The following MYCBP2 variants were observed in gnomAD, a reference collection of about 807,000 sequenced individuals.
MYCBP2 encodes E3 ubiquitin-protein ligase MYCBP2.
In MYCBP2, 120 loss-of-function variants were observed where a neutral mutation model predicts 525.3. The ratio of observed to expected loss-of-function variants is 0.23; its 90% CI spans 0.20 to 0.27. The LOEUF (loss-of-function observed/expected upper bound fraction) is 0.27. MYCBP2 is among the 10% of genes least tolerant of loss of function. The probability of loss-of-function intolerance (pLI) is 1.00; values close to 1 mark genes in which losing one functional copy is unlikely to be tolerated. For missense variants in MYCBP2, 4,149 were observed against 5,657.1 expected (o/e 0.73, Z 8.55); for synonymous variants, 1,894 against 1,955.8 (o/e 0.97, Z 0.83).
At chr13:77,171,734 A>G in intron 37 of MYCBP2, 100 bp from the exon 38 acceptor site, 1 of 1,192,064 alleles carries the variant, frequency 8.4e-7, no homozygotes, top group South Asian at 1.6e-5. Context: ...TTTAATTTAT[A>G]GCTTTTTAAA....
chr13:77,234,322 C>T (rs957822470), intron 17 of MYCBP2, among the ~76,000 whole-genome samples: 1 of 151,848 alleles, frequency 6.6e-6, no homozygotes, highest in African/African-American at 2.4e-5. Flanking sequence ...AAGCACTGAA[C>T]ATTTTTATTT....
chr13:77,151,034 AT>A (rs2056382487), intron 46 of MYCBP2, 85 bp from the exon 47 acceptor site: 1 of 1,043,216 alleles, frequency 9.6e-7, no homozygotes, highest in Non-Finnish European at 1.4e-6. Context: ...TTATAAACTC[AT>A]AATTATGTAT....
At chr13:77,069,673 G>C (rs1456751162) in intron 69 of MYCBP2, among the ~76,000 whole-genome samples, 3 of 146,942 alleles carry the variant, frequency 2.0e-5, no homozygotes, top group Non-Finnish European at 3.0e-5. Flanking sequence ...TGGCTAACAC[G>C]GTGAAACCCC....
Position 77,273,514 on chromosome 13 carries a change from A to G in MYCBP2, c.903T>C (p.Ala301=). The change falls in exon 5 of 83, where the codon GCT becomes GCC. Residue 301 remains alanine, a synonymous_variant. Coordinates refer to ENST00000544440, the MANE Select transcript of MYCBP2 (RefSeq NM_015057.5). ...CATGGCTTCCATTGTTGGTGAGGAT[A>G]GCAGAGATGGCCTGAAGTGTCCTTC... ...ETGRTLQAIS[A]ILTNNGSHAC... The G allele has an allele frequency of 6.2e-7, 1 of 1,610,274 alleles. No homozygotes were observed. The highest frequency in any genetic ancestry group is 1.7e-5 in the Admixed American group (1 of 58,890).
chr13:77,305,936 A>G (rs1356356486), intron 1 of MYCBP2, among the ~76,000 whole-genome samples: 4 of 152,204 alleles, frequency 2.6e-5, no homozygotes, highest in African/African-American at 9.6e-5. Context: ...GTATTCAACT[A>G]TACTGAATGT....
intron 17 of MYCBP2, among the ~76,000 whole-genome samples, chr13:77,233,874 G>GAA (rs1331031027): frequency 1.4e-5 from 2 of 145,764 alleles, no homozygotes; most frequent in East Asian, 2.2e-4. Flanking sequence ...GAGAGAGAGA[G>GAA]AACGAGAGAG....
intron 13 of MYCBP2, among the ~76,000 whole-genome samples, chr13:77,258,960 C>T (rs1038949796): frequency 4.6e-5 from 7 of 152,008 alleles, no homozygotes; most frequent in Non-Finnish European, 5.9e-5. Flanking sequence ...CAATTAAAAG[C>T]GTTGGTGCCA....
intron 1 of MYCBP2, among the ~76,000 whole-genome samples, chr13:77,308,552 T>C (rs972782519): frequency 6.6e-6 from 1 of 152,220 alleles, no homozygotes; most frequent in African/African-American, 2.4e-5. Context: ...CACTTAGAAT[T>C]ATGCCTGGTA....
Position 77,125,400 on chromosome 13 carries a change from A to G in MYCBP2, c.7953T>C (p.Asp2651=), listed in dbSNP as rs200219506. 2.1e-5 allele frequency: 34 copies of G among 1,614,016 alleles called. 1 individual carries two copies. The Middle Eastern group carries it at 1.5e-3, about 70-fold the overall frequency. The change falls in exon 54 of 83, where the codon GAT becomes GAC. Residue 2651 remains aspartate (D), a synonymous_variant. Coordinates refer to ENST00000544440, the MANE Select transcript of MYCBP2 (RefSeq NM_015057.5). ...TAGCTAAGGACCATGCCTCTCCTTC[A>G]TCACTCTCACAGAACTCTACCATGC... ...QNSMVEFCES[D]EGEAWSLARD...
chr13:77,062,458 C>T lies in MYCBP2; in HGVS notation c.12774+138G>A, dbSNP rs141934212. The T allele has an allele frequency of 4.5e-4, 321 of 713,246 alleles. 1 individual carries two copies. In the African/African-American group the frequency reaches 5.0e-3, roughly 11 times the overall value. 44.2% of individuals were successfully genotyped at this position (713,246 alleles called of 1,614,324 possible). ...AAATAGACTTGTGAGATGAACTTGG[C>T]CGAAGGGACACAATCTTTCAAGAGA... On this transcript the variant is annotated intron_variant, in intron 74 of 82. Transcript: ENST00000544440.
intron 62 of MYCBP2, among the ~76,000 whole-genome samples, chr13:77,084,405 T>C (rs996807860): frequency 2.0e-5 from 3 of 152,210 alleles, no homozygotes; most frequent in Non-Finnish European, 4.4e-5. Context: ...ATTACTGATA[T>C]AGAAGTTCTG....
intron 15 of MYCBP2, among the ~76,000 whole-genome samples, chr13:77,244,551 C>A (rs992887546): frequency 6.6e-6 from 1 of 152,168 alleles, no homozygotes; most frequent in African/African-American, 2.4e-5. Flanking sequence ...AGACCTAAGA[C>A]TATAAAAACC....
chr13:77,100,178 T>C (rs1450637065), intron 55 of MYCBP2: 1 of 152,130 alleles, frequency 6.6e-6, no homozygotes, highest in Admixed American at 6.6e-5. Flanking sequence ...TATAACTGCA[T>C]GTTATTATTT....
At chr13:77,225,837 A>G (rs1250733315) in intron 18 of MYCBP2, among the ~76,000 whole-genome samples, 2 of 152,234 alleles carry the variant, frequency 1.3e-5, no homozygotes, top group African/African-American at 4.8e-5. Flanking sequence ...TCATTAAGTT[A>G]TAGAAATAAC....
At chr13:77,268,087 C>T in intron 7 of MYCBP2, 150 bp from the exon 8 acceptor site, 1 of 585,464 alleles carries the variant, frequency 1.7e-6, no homozygotes, top group Non-Finnish European at 3.0e-6. Flanking sequence ...AATATAAGAA[C>T]ATTCCTCTCA....
intron 62 of MYCBP2, 67 bp downstream of exon 62, chr13:77,087,417 G>T (rs1391774286): frequency 5.0e-5 from 64 of 1,281,496 alleles, no homozygotes; most frequent in Non-Finnish European, 5.4e-5. Context: ...CAAATTATTG[G>T]ACTATTTGAA....
intron 26 of MYCBP2, among the ~76,000 whole-genome samples, chr13:77,199,219 C>T (rs2062137783): frequency 6.6e-6 from 1 of 152,232 alleles, no homozygotes; most frequent in Non-Finnish European, 1.5e-5. Context: ...CGAGGCATTG[C>T]CTCACTCGGG....
chr13:77,068,817 A>G lies in MYCBP2; in HGVS notation c.11919T>C (p.Ile3973=). 1 of 1,613,978 alleles carries G rather than the reference A, an allele frequency of 6.2e-7. No homozygotes were observed. Among genetic ancestry groups the G allele is most frequent in the Non-Finnish European group, 8.5e-7 (1 of 1,180,020 alleles). ...TAGCTTCCATGCGAATAGCTTGGAC[A>G]ATATGAGCACACACCTATTTAAAGT... ...TNLQKQVCAH[I]VQAIRMEATR... Residue 3973 remains isoleucine, a synonymous_variant, in exon 70 of 83, where the codon ATT becomes ATC. Transcript: ENST00000544440.
At chr13:77,142,151 T>C (rs1429649931) in intron 49 of MYCBP2, among the ~76,000 whole-genome samples, 1 of 152,254 alleles carries the variant, frequency 6.6e-6, no homozygotes, top group Non-Finnish European at 1.5e-5. Context: ...TTTCACAATG[T>C]CATTCTTGGC....
Sources: allele counts gnomAD v4.1 joint callset (sites outside exome capture counted in the v4.1 genomes callset), GRCh38; gene constraint gnomAD v4.1.1; transcripts MANE v1.5; gene names NCBI Gene and HGNC (gene_info 2026-07-23, HGNC 2026-07-21).